TTC27: variants seen among roughly 807,000 people sequenced by gnomAD.
TTC27 encodes the protein tetratricopeptide repeat domain 27, also known as tetratricopeptide repeat protein 27.
TTC27 carries 79 observed loss-of-function variants against 115.9 expected under a neutral mutation model. The observed-to-expected ratio is 0.68, with a 90% CI of 0.57 to 0.82. TTC27 has a LOEUF of 0.82. Ranked by LOEUF, TTC27 falls within the 40% of genes least tolerant of loss-of-function variation. The probability of loss-of-function intolerance (pLI) is 0.00; values close to 1 mark genes in which losing one functional copy is unlikely to be tolerated. For synonymous variants in TTC27, 401 were observed against 356.0 expected (o/e 1.13, Z -1.42); for missense variants, 1,054 against 993.1 (o/e 1.06, Z -0.82).
At chr2:32,645,674 T>C (rs1273537746) in intron 4 of TTC27, among the ~76,000 whole-genome samples, 2 of 152,144 alleles carry the variant, frequency 1.3e-5, no homozygotes, top group East Asian at 1.9e-4. Flanking sequence ...GCATTAGATA[T>C]ATCTCCTAAT....
At chr2:32,635,736 G>A (rs1047199462) in intron 3 of TTC27, among the ~76,000 whole-genome samples, 1 of 152,010 alleles carries the variant, frequency 6.6e-6, no homozygotes, top group Non-Finnish European at 1.5e-5. Flanking sequence ...GTGGAATAGA[G>A]TTATTAGAGA....
chr2:32,794,558 A>G (rs1422839099), intron 16 of TTC27, among the ~76,000 whole-genome samples: 4 of 152,148 alleles, frequency 2.6e-5, no homozygotes, highest in Non-Finnish European at 4.4e-5. Flanking sequence ...ACCCAAGGCT[A>G]GCAGAAGGAA....
In TTC27 at chr2:32,767,696, C is replaced by T. The variant is rs1184452710; in HGVS notation, c.1680+9177C>T. 2.6e-5 allele frequency among the ~76,000 whole-genome samples: 4 copies of T among 151,772 alleles called. No homozygotes were observed. The East Asian group carries it at 5.8e-4, about 22-fold the overall frequency. ...CAGGATGGTCTCGATCTCCTGACCT[C>T]ATGATCCACCCGCCTCGGCCTCCCA... is the stretch of plus-strand genomic sequence containing the variant. On this transcript the variant is annotated intron_variant, in intron 13 of 19. Transcript: ENST00000317907.
At chr2:32,727,391 A>G (rs917325704) in intron 10 of TTC27, among the ~76,000 whole-genome samples, 22 of 152,356 alleles carry the variant, frequency 1.4e-4, no homozygotes, top group African/African-American at 5.3e-4. Context: ...TTTTTAGACC[A>G]GTGGATTTTA....
At position 32,628,345 on chromosome 2, in the gene TTC27, G is replaced by T. The variant is rs771093044; in HGVS notation, c.53G>T (p.Arg18Leu). The change falls in exon 1 of 20, where the codon CGG becomes CTG. Residue 18 changes from arginine to leucine, a missense_variant. Transcript: ENST00000317907. ...AGGGGATTCCCCACTGAGGCTGAGC[G>T]GCAGCAATGGAAACAGGAGGGGGTC... is the stretch of plus-strand genomic sequence containing the variant. ...ILRGFPTEAE[R>L]QQWKQEGVVG... 5 of 1,607,714 alleles carry T rather than the reference G, an allele frequency of 3.1e-6. No homozygotes were observed. Among genetic ancestry groups the T allele is most frequent in the Non-Finnish European group, 4.2e-6 (5 of 1,178,088 alleles).
chr2:32,635,490 G>A (rs1404586434), intron 3 of TTC27, among the ~76,000 whole-genome samples: 1 of 152,056 alleles, frequency 6.6e-6, no homozygotes, highest in Non-Finnish European at 1.5e-5. Flanking sequence ...TTCAAGACCA[G>A]CCTGATCAAC....
At chr2:32,735,255 A>G (rs1668413875) in intron 11 of TTC27, among the ~76,000 whole-genome samples, 1 of 152,216 alleles carries the variant, frequency 6.6e-6, no homozygotes, top group East Asian at 1.9e-4. Context: ...TGATATCTCA[A>G]AAGGAATAGC....
chr2:32,628,350 C>G lies in TTC27; in HGVS notation c.58C>G (p.Gln20Glu). ...RGFPTEAERQ[Q>E]WKQEGVVGSE... ...ATTCCCCACTGAGGCTGAGCGGCAG[C>G]AATGGAAACAGGAGGGGGTCGTCGG... is the stretch of plus-strand genomic sequence containing the variant. The change falls in exon 1 of 20, where the codon CAA becomes GAA. Residue 20 changes from glutamine to glutamate, a missense_variant. Gln to Glu is a conservative substitution (Grantham distance 29). Coordinates refer to ENST00000317907, the MANE Select transcript of TTC27 (RefSeq NM_017735.5). The G allele has an allele frequency of 1.2e-6, 2 of 1,607,088 alleles. No homozygotes were observed. Among genetic ancestry groups the G allele is most frequent in the South Asian group, 1.1e-5 (1 of 89,120 alleles).
rs1669314136 is a variant in TTC27, at chr2:32,758,393, C to T, written c.1554C>T (p.Ala518=). 2 of 1,614,102 alleles carry T rather than the reference C, an allele frequency of 1.2e-6. No homozygotes were observed. Among genetic ancestry groups the T allele is most frequent in the Non-Finnish European group, 1.7e-6 (2 of 1,180,052 alleles). The change falls in exon 13 of 20, where the codon GCC becomes GCT. Residue 518 remains alanine (A), a synonymous_variant. Transcript: ENST00000317907. The stretch of plus-strand genomic sequence containing the variant: ...GAGACCATTCTTGCTATGACAAGGC[C>T]TGGGAGTTGTCCCGGTACCGCAGTG... The part of the protein sequence containing the change: ...VLGDHSCYDK[A]WELSRYRSAR...
At chr2:32,720,596 A>AT (rs1475891641) in intron 10 of TTC27, among the ~76,000 whole-genome samples, 1 of 152,078 alleles carries the variant, frequency 6.6e-6, no homozygotes, top group African/African-American at 2.4e-5. Flanking sequence ...GGTTGGTTGT[A>AT]TTTTTTTAAG....
intron 12 of TTC27, among the ~76,000 whole-genome samples, chr2:32,756,306 C>G (rs768981200): frequency 1.6e-4 from 24 of 152,306 alleles, no homozygotes; most frequent in Middle Eastern, 3.4e-3. Flanking sequence ...AGCAAAAATT[C>G]TGCTGCGGCT....
chr2:32,797,976 CCA>C (rs1188964175), intron 16 of TTC27, among the ~76,000 whole-genome samples: 2 of 151,742 alleles, frequency 1.3e-5, no homozygotes, highest in Non-Finnish European at 2.9e-5. Flanking sequence ...AGACATTTCT[CCA>C]GAGAAGATAA....
At chr2:32,727,530 A>G (rs1429266190) in intron 10 of TTC27, among the ~76,000 whole-genome samples, 3 of 152,238 alleles carry the variant, frequency 2.0e-5, no homozygotes, top group African/African-American at 7.2e-5. Context: ...AATATCCACA[A>G]TTAACTGAAA....
chr2:32,648,605 G>C (rs1664960495), intron 4 of TTC27, among the ~76,000 whole-genome samples: 1 of 151,700 alleles, frequency 6.6e-6, no homozygotes, highest in African/African-American at 2.4e-5. Flanking sequence ...GTTGTTCCTT[G>C]TTTTTATTTT....
intron 15 of TTC27, 55 bp downstream of exon 15, chr2:32,782,733 T>G: frequency 7.1e-7 from 1 of 1,399,820 alleles, no homozygotes. Flanking sequence ...ATGAATGAGA[T>G]TTTCTACAAC....
rs571332044 is a variant in TTC27 at position 32,766,451 on chromosome 2, A to T, written c.1680+7932A>T. The T allele has an allele frequency of 1.7e-3, 737 of 439,130 alleles. 15 individuals carry two copies. The highest frequency in any genetic ancestry group is 0.012 in the South Asian group (686 of 58,200). The allele number at this position is 439,130 out of a possible 1,614,324, so 27.2% of individuals were successfully genotyped here. A position where few individuals can be genotyped will look rare whatever the true frequency, so the allele number is the denominator to read the frequency against. ...TAGGGTTATTAATTGTCTAATTTCAATATTGTTGTGTCTTAGGGAAGCGGG... is the reference window on the plus strand; with the variant it reads ...TAGGGTTATTAATTGTCTAATTTCATTATTGTTGTGTCTTAGGGAAGCGGG... On this transcript the variant is annotated intron_variant, in intron 13 of 19. Coordinates refer to ENST00000317907, the MANE Select transcript of TTC27 (RefSeq NM_017735.5).
rs150756990 is a variant in TTC27, at chr2:32,764,076, T to C, written c.1680+5557T>C. On this transcript the variant is annotated intron_variant, in intron 13 of 19. Transcript: ENST00000317907. ...TTAGCACTGAAAAAGAGAAATATTA[T>C]GTCCTGTCAGTTTTTCCATCTCCCA... Among the ~76,000 whole-genome samples the C allele has an allele frequency of 1.4e-3, 214 of 152,164 alleles. 2 individuals carry two copies. The highest frequency in any genetic ancestry group is 5.0e-3 in the African/African-American group (209 of 41,580).
At chr2:32,750,387 C>CA (rs1668968305) in intron 12 of TTC27, among the ~76,000 whole-genome samples, 1 of 152,192 alleles carries the variant, frequency 6.6e-6, no homozygotes, top group Non-Finnish European at 1.5e-5. Flanking sequence ...TAGACCATGA[C>CA]AACTTTCCAA....
rs1390956011 is a variant in TTC27, at chr2:32,766,190, T to C, written c.1680+7671T>C. Among the ~76,000 whole-genome samples the C allele has an allele frequency of 2.6e-5, 4 of 152,256 alleles. No individual in the cohort carries two copies. The East Asian group carries it at 5.8e-4, about 22-fold the overall frequency. On this transcript the variant is annotated intron_variant, in intron 13 of 19. Transcript: ENST00000317907. ...CTTTTCATTTGATACATTGTAATTA[T>C]ACATATTTATGGAGTACAATTTTCT... is the stretch of plus-strand genomic sequence containing the variant.
Sources: allele counts gnomAD v4.1 joint callset (sites outside exome capture counted in the v4.1 genomes callset), GRCh38; gene constraint gnomAD v4.1.1; transcripts MANE v1.5; gene names NCBI Gene and HGNC (gene_info 2026-07-23, HGNC 2026-07-21).